Variants in ALAS1 observed in about 807,000 individuals in gnomAD.
The protein encoded by ALAS1 is 5-aminolevulinate synthase, non-specific, mitochondrial.
A neutral mutation model predicts 59.6 loss-of-function variants in ALAS1; 29 were observed. That is an observed-to-expected ratio of 0.49 (90% confidence interval 0.36 to 0.66). The LOEUF is 0.66. ALAS1 is among the 30% of genes least tolerant of loss of function. The pLI is 0.00. For synonymous variants in ALAS1, 299 were observed against 296.6 expected (o/e 1.01, Z -0.08); for missense variants, 690 against 807.5 (o/e 0.85, Z 1.76).
intron 6 of ALAS1, 118 bp from the exon 7 acceptor site, chr3:52,205,721 T>C: frequency 1.0e-6 from 1 of 978,202 alleles, no homozygotes; most frequent in Non-Finnish European, 1.5e-6. Context: ...GGTTTCACAG[T>C]GAGAGAGTTG....
intron 9 of ALAS1, among the ~76,000 whole-genome samples, chr3:52,209,398 G>A (rs925625571): frequency 7.9e-5 from 12 of 152,100 alleles, no homozygotes; most frequent in Admixed American, 2.6e-4. Flanking sequence ...TAGTAGAGAC[G>A]GGGTTTCACC....
At chr3:52,203,799 G>A (rs1699238029) in intron 4 of ALAS1, 64 bp from the exon 5 acceptor site, 1 of 1,500,640 alleles carries the variant, frequency 6.7e-7, no homozygotes, top group Non-Finnish European at 8.9e-7. Context: ...CAATATGTTT[G>A]GAAGATATTG....
intron 3 of ALAS1, among the ~76,000 whole-genome samples, chr3:52,199,866 G>A (rs1437536890): frequency 6.6e-6 from 1 of 152,070 alleles, no homozygotes; most frequent in African/African-American, 2.4e-5. Context: ...CTGTCGCCCA[G>A]GTTGGAGTGC....
At position 52,202,545 on chromosome 3, in the gene ALAS1, G is replaced by T. The variant is rs772838734; in HGVS notation, c.238G>T (p.Asp80Tyr). 2.5e-6 allele frequency: 4 copies of T among 1,614,184 alleles called. No individual in the cohort carries two copies. In the Admixed American group the frequency reaches 6.7e-5, roughly 27 times the overall value. ...TAAGGCCAAGGTCCAACAGACTCCT[G>T]ATGGATCCCAGCAGAGTCCAGATGG... The part of the protein sequence containing the change: ...TAKAKVQQTP[D>Y]GSQQSPDGTQ... Residue 80 changes from aspartate (D) to tyrosine (Y), a missense_variant, in exon 4 of 12, where the codon GAT (aspartate) becomes TAT (tyrosine). Transcript: ENST00000484952.
intron 3 of ALAS1, among the ~76,000 whole-genome samples, chr3:52,200,373 CTA>C (rs1699163330): frequency 6.6e-6 from 1 of 152,174 alleles, no homozygotes; most frequent in South Asian, 2.1e-4. Flanking sequence ...CTTTCTGTCT[CTA>C]TGAATTTGAC....
intron 6 of ALAS1, 79 bp from the exon 7 acceptor site, chr3:52,205,760 T>A: frequency 1.4e-6 from 2 of 1,396,342 alleles, no homozygotes; most frequent in Non-Finnish European, 1.9e-6. Flanking sequence ...GTCTCCTGGA[T>A]CCTAGAAAGG....
In ALAS1 at chr3:52,203,884, G is replaced by T; in HGVS notation, c.449G>T (p.Gly150Val). The T allele has an allele frequency of 6.2e-7, 1 of 1,601,318 alleles. No individual in the cohort carries two copies. Among genetic ancestry groups the T allele is most frequent in the Non-Finnish European group, 8.5e-7 (1 of 1,173,822 alleles). The part of the protein sequence containing the change: ...VRKEVAETSA[G>V]PSVVSVKTDG... ...CCAGAGGTTGCTGAAACCTCAGCAGGCCCCAGTGTGGTTAGTGTGAAAACC... is the reference window on the plus strand; with the variant it reads ...CCAGAGGTTGCTGAAACCTCAGCAGTCCCCAGTGTGGTTAGTGTGAAAACC... The change falls in exon 5 of 12, where the codon GGC (glycine) becomes GTC (valine). Residue 150 changes from glycine to valine, a missense_variant. Coordinates refer to ENST00000484952, the MANE Select transcript of ALAS1 (RefSeq NM_000688.6).
intron 11 of ALAS1, 164 bp downstream of exon 11, chr3:52,212,584 T>A: frequency 1.2e-6 from 1 of 846,354 alleles, no homozygotes; most frequent in Non-Finnish European, 1.9e-6. Flanking sequence ...CAGGCTGGAG[T>A]ACAATGGCAC....
At chr3:52,209,828 C>T (rs1009890448) in intron 9 of ALAS1, among the ~76,000 whole-genome samples, 9 of 152,112 alleles carry the variant, frequency 5.9e-5, no homozygotes, top group East Asian at 5.8e-4. Flanking sequence ...TACAGGTGTG[C>T]GCTAGCATGC....
chr3:52,205,214 T>C (rs1250869792), intron 6 of ALAS1, among the ~76,000 whole-genome samples: 1 of 152,184 alleles, frequency 6.6e-6, no homozygotes, highest in African/African-American at 2.4e-5. Context: ...AGGCAGTCTT[T>C]CACAGAGACA....
intron 1 of ALAS1, 47 bp downstream of exon 1, chr3:52,198,302 G>C (rs1044017324): frequency 4.9e-6 from 2 of 405,376 alleles, no homozygotes; most frequent in Non-Finnish European, 8.7e-6. Context: ...GAAGCCCCGG[G>C]GTGTCCTGCC....
rs781372666 is a variant in ALAS1 at position 52,199,258 on chromosome 3, G to A, written c.17G>A (p.Arg6His). The change falls in exon 3 of 12, where the codon CGC becomes CAC. Residue 6 changes from arginine to histidine, a missense_variant. By Grantham distance (29) the Arg-to-His change is conservative. Transcript: ENST00000484952. ...TTCCTGAACATGGAGAGTGTTGTTC[G>A]CCGCTGCCCATTCTTATCCCGAGTC... is the stretch of plus-strand genomic sequence containing the variant. MESVV[R>H]RCPFLSRVPQ... 9 of 1,614,100 alleles carry A rather than the reference G, an allele frequency of 5.6e-6. No individual in the cohort carries two copies. The highest frequency in any genetic ancestry group is 6.8e-6 in the Non-Finnish European group (8 of 1,180,008).
Position 52,198,706 on chromosome 3 carries a change from C to G in ALAS1, c.-175C>G, listed in dbSNP as rs560070888. ...GTTCTTCCCGCTGTGGGGACACGACCACGGAGGAATCCTTGCTTCAGGGAC... is the reference window on the plus strand; with the variant it reads ...GTTCTTCCCGCTGTGGGGACACGACGACGGAGGAATCCTTGCTTCAGGGAC... On this transcript the variant is annotated 5_prime_UTR_variant, in exon 2 of 12. Transcript: ENST00000484952. The G allele has an allele frequency of 8.7e-7, 1 of 1,154,742 alleles. No homozygotes were observed. The highest frequency in any genetic ancestry group is 1.5e-5 in the African/African-American group (1 of 65,486). The allele number at this position is 1,154,742 out of a possible 1,614,324, so 71.5% of individuals were successfully genotyped here. A position where few individuals can be genotyped will look rare whatever the true frequency, so the allele number is the denominator to read the frequency against.
rs766975956 is a variant in ALAS1, at chr3:52,203,910, G to A, written c.475G>A (p.Asp159Asn). 8.7e-6 allele frequency: 14 copies of A among 1,612,952 alleles called. No individual in the cohort carries two copies. Among genetic ancestry groups the A allele is most frequent in the African/African-American group, 5.3e-5 (4 of 74,908 alleles). Residue 159 changes from aspartate (D) to asparagine (N), a missense_variant, in exon 5 of 12, where the codon GAT (aspartate) becomes AAT (asparagine). Physicochemically the swap from Asp to Asn is conservative, Grantham distance 23. Transcript: ENST00000484952. ...AGPSVVSVKT[D>N]GGDPSGLLKN... ...CCCCAGTGTGGTTAGTGTGAAAACC[G>A]ATGGAGGGGATCCCAGTGGACTGCT...
At chr3:52,209,492 C>A (rs1201213508) in intron 9 of ALAS1, among the ~76,000 whole-genome samples, 3 of 152,190 alleles carry the variant, frequency 2.0e-5, no homozygotes, top group African/African-American at 7.2e-5. Flanking sequence ...CAGGCGTGAG[C>A]CACCACACCC....
intron 6 of ALAS1, among the ~76,000 whole-genome samples, chr3:52,205,598 T>C (rs1699276689): frequency 6.6e-6 from 1 of 152,216 alleles, no homozygotes; most frequent in Non-Finnish European, 1.5e-5. Flanking sequence ...AAGCACTTAC[T>C]GACTGTTAAA....
At chr3:52,198,920 C>A in intron 2 of ALAS1, 72 bp downstream of exon 2, 1 of 1,483,384 alleles carries the variant, frequency 6.7e-7, no homozygotes, top group Non-Finnish European at 9.1e-7. Context: ...CTGTTCTTGA[C>A]CTTTCCCTCA....
Position 52,212,317 on chromosome 3 carries a change from C to G in ALAS1, c.1659C>G (p.Ile553Met). 1 of 1,614,126 alleles carries G rather than the reference C, an allele frequency of 6.2e-7. No homozygotes were observed. Among genetic ancestry groups the G allele is most frequent in the Non-Finnish European group, 8.5e-7 (1 of 1,180,016 alleles). ...ATGAACTAATGAGCAGACATAACAT[C>G]TACGTGCAAGCAATCAATTACCCTA... ...VCDELMSRHN[I>M]YVQAINYPTV... The change falls in exon 11 of 12, where the codon ATC becomes ATG. Residue 553 changes from isoleucine to methionine, a missense_variant. Ile to Met is a conservative substitution (Grantham distance 10). Transcript: ENST00000484952.
rs765468923 is a variant in ALAS1, at chr3:52,206,003, C to T, written c.965C>T (p.Thr322Ile). The T allele has an allele frequency of 6.2e-7, 1 of 1,610,686 alleles. No individual in the cohort carries two copies. Among genetic ancestry groups the T allele is most frequent in the South Asian group, 1.1e-5 (1 of 90,658 alleles). The part of the protein sequence containing the change: ...CFVANDSTLF[T>I]LAKMMPGCEI... ...GTGGCCAATGACTCAACCCTCTTCA[C>T]CCTGGCTAAGATGATGCCAGGTAAG... The change falls in exon 7 of 12, where the codon ACC becomes ATC. Residue 322 changes from threonine to isoleucine, a missense_variant. By Grantham distance (89) the Thr-to-Ile change is moderately conservative. Transcript: ENST00000484952.
Sources: gnomAD v4.1 joint callset for allele counts (sites outside exome capture counted in the v4.1 genomes callset) on GRCh38, gnomAD v4.1.1 for gene constraint, MANE v1.5 for transcripts, NCBI Gene and HGNC (gene_info 2026-07-23, HGNC 2026-07-21) for gene names.